The following HYDIN variants were observed in gnomAD, a reference collection of about 807,000 sequenced individuals.
HYDIN encodes the protein HYDIN axonemal central pair apparatus protein, also known as axonemal central pair apparatus protein HYDIN.
A neutral mutation model predicts 403.9 loss-of-function variants in HYDIN; 132 were observed. The ratio of observed to expected loss-of-function variants is 0.33; its 90% confidence interval spans 0.28 to 0.38. HYDIN has a LOEUF of 0.38. HYDIN is among the 10% of genes least tolerant of loss of function. HYDIN has a pLI of 1.00. For synonymous variants in HYDIN, 1,202 were observed against 1,891.7 expected (o/e 0.64, Z 9.46); for missense variants, 2,827 against 5,009.5 (o/e 0.56, Z 13.15).
chr16:70,837,822 T>C lies in HYDIN; in HGVS notation c.13110A>G (p.Pro4370=). 6.2e-7 allele frequency: 1 copy of C among 1,614,014 alleles called. No individual in the cohort carries two copies. The highest frequency in any genetic ancestry group is 1.3e-5 in the African/African-American group (1 of 75,064). Reference sequence around the variant, plus strand: ...TTATTGGAATCTCCAATGTGTTTCCTGGCTTTACCACATCAACACGGGAGT... The same window carrying C: ...TTATTGGAATCTCCAATGTGTTTCCCGGCTTTACCACATCAACACGGGAGT... The part of the protein sequence containing the change: ...EVNSRVDVVK[P]GNTLEIPITF... The change falls in exon 77 of 86, where the codon CCA becomes CCG. Residue 4370 remains proline (P), a synonymous_variant. Transcript: ENST00000393567.
intron 81 of HYDIN, 109 bp from the exon 82 acceptor site, chr16:70,828,538 G>C (rs2036744425): frequency 1.7e-6 from 1 of 575,018 alleles, no homozygotes; most frequent in Non-Finnish European, 3.1e-6. Flanking sequence ...GCTCTGGAAA[G>C]AAACATAATA....
At chr16:70,810,068 G>C (rs1481608641) in intron 84 of HYDIN, 61 bp from the exon 85 acceptor site, 7 of 1,478,650 alleles carry the variant, frequency 4.7e-6, no homozygotes, top group African/African-American at 1.4e-5. Context: ...CTGCCACCTA[G>C]AGACCTGCCC....
intron 11 of HYDIN, among the ~76,000 whole-genome samples, chr16:71,089,299 A>G (rs895465185): frequency 2.6e-5 from 4 of 152,072 alleles, no homozygotes; most frequent in Non-Finnish European, 5.9e-5. Context: ...TACTGTCCCT[A>G]CAATTCTTGT....
chr16:71,222,640 G>A (rs1350473263), intron 1 of HYDIN, among the ~76,000 whole-genome samples: 2 of 152,000 alleles, frequency 1.3e-5, no homozygotes, highest in East Asian at 3.8e-4. Flanking sequence ...AAAGTCTGAG[G>A]TTACAAAATT....
At chr16:71,186,996 T>C in intron 1 of HYDIN, 78 bp from the exon 2 acceptor site, 1 of 905,894 alleles carries the variant, frequency 1.1e-6, no homozygotes, top group Admixed American at 2.5e-5. Flanking sequence ...TTAAGCTTTT[T>C]CAAATACAGG....
intron 19 of HYDIN, among the ~76,000 whole-genome samples, chr16:71,028,893 A>G (rs905940464): frequency 2.0e-5 from 3 of 151,214 alleles, no homozygotes; most frequent in Admixed American, 6.6e-5. Context: ...TACTGTTTAT[A>G]AAAACCATAT....
At chr16:71,156,290 A>G (rs1370957734) in intron 6 of HYDIN, among the ~76,000 whole-genome samples, 1 of 152,176 alleles carries the variant, frequency 6.6e-6, no homozygotes, top group Non-Finnish European at 1.5e-5. Flanking sequence ...CAGTAGTTAT[A>G]ATCACCTGGG....
chr16:71,143,406 C>CT (rs1866774791), intron 7 of HYDIN, among the ~76,000 whole-genome samples: 1 of 152,104 alleles, frequency 6.6e-6, no homozygotes, highest in South Asian at 2.1e-4. Context: ...ATTTGCAAGT[C>CT]TTCACTTGCT....
intron 50 of HYDIN, among the ~76,000 whole-genome samples, chr16:70,904,944 G>A (rs962865265): frequency 6.6e-6 from 1 of 151,936 alleles, no homozygotes; most frequent in Admixed American, 6.6e-5. Flanking sequence ...CTGTTCCTTA[G>A]TACCTTAAGG....
chr16:70,949,777 C>G (rs1442193963), intron 41 of HYDIN, among the ~76,000 whole-genome samples: 2 of 152,230 alleles, frequency 1.3e-5, no homozygotes, highest in Admixed American at 6.5e-5. Flanking sequence ...GGTCTATGAG[C>G]TCTGATTTCT....
chr16:71,168,436 T>C (rs1049389728), intron 5 of HYDIN, among the ~76,000 whole-genome samples: 11 of 148,886 alleles, frequency 7.4e-5, no homozygotes, highest in African/African-American at 2.5e-4. Flanking sequence ...TAGTAGCCTC[T>C]GCCCCCTGTA....
intron 73 of HYDIN, among the ~76,000 whole-genome samples, chr16:70,850,935 A>G (rs1324095415): frequency 6.6e-6 from 1 of 152,204 alleles, no homozygotes; most frequent in Non-Finnish European, 1.5e-5. Flanking sequence ...CAATGAGGAA[A>G]GGATTCCCTA....
At chr16:71,152,477 T>C (rs2085575404) in intron 7 of HYDIN, among the ~76,000 whole-genome samples, 182 bp downstream of exon 7, 2 of 151,326 alleles carry the variant, frequency 1.3e-5, no homozygotes, top group Admixed American at 1.3e-4. Context: ...CAGTGTACAC[T>C]GTACTCAGTG....
intron 35 of HYDIN, among the ~76,000 whole-genome samples, chr16:70,972,710 G>A (rs2078767807): frequency 6.6e-6 from 1 of 152,164 alleles, no homozygotes; most frequent in Non-Finnish European, 1.5e-5. Context: ...TGAAACCCAG[G>A]GGCCAGATAC....
intron 23 of HYDIN, among the ~76,000 whole-genome samples, chr16:71,001,835 A>G (rs2079723270): frequency 6.6e-6 from 1 of 152,032 alleles, no homozygotes; most frequent in African/African-American, 2.4e-5. Context: ...AGATCCAGGA[A>G]ACACTGTGGA....
chr16:71,100,290 A>T (rs1028634310), intron 10 of HYDIN, among the ~76,000 whole-genome samples: 1 of 152,252 alleles, frequency 6.6e-6, no homozygotes, highest in African/African-American at 2.4e-5. Flanking sequence ...AGGAAGATTC[A>T]ATGTCATCGA....
intron 16 of HYDIN, among the ~76,000 whole-genome samples, chr16:71,063,526 C>T (rs2082159060): frequency 6.6e-6 from 1 of 152,216 alleles, no homozygotes; most frequent in African/African-American, 2.4e-5. Context: ...AACAACTTCC[C>T]CTGACCCCAG....
intron 54 of HYDIN, among the ~76,000 whole-genome samples, 185 bp downstream of exon 54, chr16:70,895,796 T>G (rs2076183995): frequency 6.6e-6 from 1 of 151,780 alleles, no homozygotes; most frequent in African/African-American, 2.4e-5. Flanking sequence ...CTACCTCTGG[T>G]TGGAGAAATT....
intron 22 of HYDIN, among the ~76,000 whole-genome samples, chr16:71,019,537 C>A (rs1462867136): frequency 6.6e-6 from 1 of 152,300 alleles, no homozygotes; most frequent in South Asian, 2.1e-4. Context: ...TAAGTTAGGA[C>A]CCACCCTTGT....
Sources: allele counts gnomAD v4.1 joint callset (sites outside exome capture counted in the v4.1 genomes callset), GRCh38; gene constraint gnomAD v4.1.1; transcripts MANE v1.5; gene names NCBI Gene and HGNC (gene_info 2026-07-23, HGNC 2026-07-21).